RUNX1T1: variants seen among roughly 807,000 people sequenced by gnomAD.
The protein encoded by RUNX1T1 is RUNX1 partner transcriptional co-repressor 1, also known as protein CBFA2T1.
A neutral mutation model predicts 62.8 loss-of-function variants in RUNX1T1; 4 were observed. The observed-to-expected ratio is 0.06, with a 90% CI of 0.03 to 0.15. The LOEUF (loss-of-function observed/expected upper bound fraction) is 0.15, where lower values mean the gene tolerates loss of function less well. RUNX1T1 is among the 10% of genes least tolerant of loss of function. RUNX1T1 has a pLI of 1.00. For missense variants in RUNX1T1, 508 were observed against 754.3 expected, an observed-to-expected ratio of 0.67 and a Z score of 3.82; for synonymous variants, 291 against 286.0, an observed-to-expected ratio of 1.02 and a Z score of -0.18.
intron 1 of RUNX1T1, among the ~76,000 whole-genome samples, chr8:92,060,549 ATATAT>A (rs1375917616): frequency 9.3e-6 from 1 of 107,052 alleles, no homozygotes; most frequent in Admixed American, 9.1e-5. Context: ...ATATATATAT[ATATAT>A]GTGTGTGTGT....
chr8:91,987,316 G>C (rs1328318268), intron 6 of RUNX1T1, among the ~76,000 whole-genome samples: 3 of 152,108 alleles, frequency 2.0e-5, no homozygotes, highest in Non-Finnish European at 4.4e-5. Context: ...ACCACAAGTA[G>C]ACATTAAGTG....
intron 1 of RUNX1T1, among the ~76,000 whole-genome samples, chr8:92,028,860 G>T (rs1003898798): frequency 5.3e-5 from 8 of 151,848 alleles, no homozygotes; most frequent in Non-Finnish European, 1.0e-4. Context: ...GTTCATTCTG[G>T]AAAGTAAAAA....
At chr8:92,027,985 T>C (rs991179684) in intron 1 of RUNX1T1, among the ~76,000 whole-genome samples, 5 of 150,824 alleles carry the variant, frequency 3.3e-5, no homozygotes, top group African/African-American at 9.8e-5. Flanking sequence ...CAGAGATTTT[T>C]CTCTGTTTTG....
chr8:92,095,109 C>G (rs1403667692), intron 1 of RUNX1T1: 1 of 1,535,614 alleles, frequency 6.5e-7, no homozygotes, highest in South Asian at 1.2e-5. Flanking sequence ...TCACCCCACA[C>G]AACAAAAGGC....
chr8:92,010,031 C>G (rs1821626177), intron 4 of RUNX1T1: 1 of 152,174 alleles, frequency 6.6e-6, no homozygotes, highest in African/African-American at 2.4e-5. Context: ...TGGATACTTA[C>G]TTGAACCTTA....
intron 1 of RUNX1T1, among the ~76,000 whole-genome samples, chr8:92,028,104 AAAG>A (rs1256910119): frequency 9.0e-5 from 6 of 66,976 alleles, no homozygotes; most frequent in Admixed American, 8.2e-4. Flanking sequence ...GGAAGGAGGG[AAAG>A]AAGGGAGGGA....
chr8:92,000,773 G>A lies in RUNX1T1; in HGVS notation c.659+4343C>T, dbSNP rs147753710. ...ACAGGCTAGCTGTGGCTCTTCTGTC[G>A]TTAAAAATATATATAAAACCTCAGA... On this transcript the variant is annotated intron_variant, in intron 5 of 10. Coordinates refer to ENST00000396218, the Ensembl canonical transcript of RUNX1T1. 4.6e-5 allele frequency among the ~76,000 whole-genome samples: 7 copies of A among 152,180 alleles called. No individual in the cohort carries two copies. The East Asian group carries it at 1.2e-3, about 25-fold the overall frequency.
upstream of RUNX1T1, among the ~76,000 whole-genome samples, chr8:92,067,496 T>C (rs138183731): frequency 8.5e-3 from 1,292 of 152,342 alleles, 22 homozygotes; most frequent in African/African-American, 0.029. Flanking sequence ...ACTTTGAAGA[T>C]TCCAATGTTA....
chr8:92,054,606 T>C (rs192990242), intron 1 of RUNX1T1, among the ~76,000 whole-genome samples: 14 of 152,282 alleles, frequency 9.2e-5, no homozygotes, highest in Admixed American at 3.9e-4. Flanking sequence ...AATCAGGCAT[T>C]GACATTCTCG....
chr8:92,078,054 G>A (rs1035737875), intron 1 of RUNX1T1, among the ~76,000 whole-genome samples: 2 of 152,012 alleles, frequency 1.3e-5, no homozygotes, highest in Admixed American at 6.6e-5. Context: ...TATTTTAAAT[G>A]TGCATATTTA....
At chr8:92,012,772 C>T (rs1239522391) in intron 3 of RUNX1T1, among the ~76,000 whole-genome samples, 1 of 151,368 alleles carries the variant, frequency 6.6e-6, no homozygotes, top group Non-Finnish European at 1.5e-5. Flanking sequence ...AAAAATCACT[C>T]TCTCAAATGG....
intron 10 of RUNX1T1, among the ~76,000 whole-genome samples, chr8:91,963,842 C>G (rs1811040885): frequency 6.6e-6 from 1 of 152,184 alleles, no homozygotes; most frequent in Non-Finnish European, 1.5e-5. Flanking sequence ...GACTGAGCTT[C>G]CCTTTCAGGC....
intron 2 of RUNX1T1, among the ~76,000 whole-genome samples, chr8:92,016,525 A>C (rs2131159877): frequency 6.6e-6 from 1 of 152,234 alleles, no homozygotes; most frequent in African/African-American, 2.4e-5. Flanking sequence ...AAATATGAAA[A>C]TTAGCTGGGC....
intron 2 of RUNX1T1, among the ~76,000 whole-genome samples, chr8:92,068,410 AAC>A (rs1833190086): frequency 1.3e-5 from 2 of 152,214 alleles, no homozygotes; most frequent in African/African-American, 2.4e-5. Flanking sequence ...TCCTCTCAGC[AAC>A]AGAGACAAAA....
chr8:92,059,049 G>T (rs1429911008), intron 1 of RUNX1T1, among the ~76,000 whole-genome samples: 2 of 152,130 alleles, frequency 1.3e-5, no homozygotes, highest in Admixed American at 6.5e-5. Flanking sequence ...TAACAGAAAA[G>T]AATGTAAAGA....
chr8:92,012,196 G>C (rs1447377823), intron 3 of RUNX1T1, among the ~76,000 whole-genome samples: 1 of 152,162 alleles, frequency 6.6e-6, no homozygotes, highest in Admixed American at 6.5e-5. Context: ...TAAATGTCAA[G>C]GAGCCAATTT....
At chr8:92,050,717 GGTTA>G (rs1002415981) in intron 1 of RUNX1T1, among the ~76,000 whole-genome samples, 30 of 152,138 alleles carry the variant, frequency 2.0e-4, no homozygotes, top group African/African-American at 6.7e-4. Flanking sequence ...TTCTTTCCAG[GGTTA>G]GTTAGTGACT....
chr8:92,001,218 A>G (rs1819687388), intron 5 of RUNX1T1, among the ~76,000 whole-genome samples: 1 of 152,108 alleles, frequency 6.6e-6, no homozygotes, highest in Non-Finnish European at 1.5e-5. Flanking sequence ...AATATGTGTG[A>G]TTTTTTTGTT....
At chr8:92,102,820 G>A (rs1304574082), upstream of RUNX1T1, 9 of 1,491,720 alleles carry the variant, frequency 6.0e-6, no homozygotes, top group Admixed American at 2.3e-5. The surrounding 1 kb of genome is among the most constrained non-coding windows in gnomAD (Gnocchi z 4.5). Flanking sequence ...CGACCCCGCC[G>A]CCCGCCCGCC....
Sources: gnomAD v4.1 joint callset for allele counts (sites outside exome capture counted in the v4.1 genomes callset) on GRCh38, gnomAD v4.1.1 for gene constraint, Gnocchi (gnomAD v3.1) non-coding constraint, MANE v1.5 for transcripts, NCBI Gene and HGNC (gene_info 2026-07-23, HGNC 2026-07-21) for gene names.